NRG1: variants seen among roughly 807,000 people sequenced by gnomAD.
NRG1 encodes the protein pro-neuregulin-1, membrane-bound isoform.
Under a neutral mutation model 63.8 loss-of-function variants are expected in NRG1, and 18 were observed. The observed-to-expected ratio is 0.28, with a 90% CI of 0.19 to 0.42. The LOEUF is 0.42. NRG1 is among the 10% of genes least tolerant of loss of function. The pLI, the probability that NRG1 is intolerant of heterozygous loss-of-function variation, is 1.00. For synonymous variants in NRG1, 302 were observed against 301.3 expected (o/e 1.00, Z -0.02); for missense variants, 762 against 814.7 (o/e 0.94, Z 0.79).
chr8:32,646,831 A>T, intron 5 of NRG1: 1 of 984,688 alleles, frequency 1.0e-6, no homozygotes, highest in Non-Finnish European at 1.2e-6. Context: ...GTGGCTGGGG[A>T]TACTGATTTT....
intron 1 of NRG1, among the ~76,000 whole-genome samples, chr8:32,303,761 C>T (rs1855895994): frequency 6.6e-6 from 1 of 152,100 alleles, no homozygotes; most frequent in Admixed American, 6.6e-5. Context: ...AATATTTAGC[C>T]TACATTTCTA....
intron 1 of NRG1, chr8:31,639,514 C>T (rs1180869466): frequency 2.0e-6 from 3 of 1,510,506 alleles, no homozygotes; most frequent in East Asian, 2.5e-5. Flanking sequence ...GCCTCCAGGG[C>T]TCTCTCCCTC....
chr8:31,706,463 A>T (rs1054682248), intron 1 of NRG1, among the ~76,000 whole-genome samples: 2 of 152,170 alleles, frequency 1.3e-5, no homozygotes, highest in Non-Finnish European at 2.9e-5. Context: ...CAATTACCTG[A>T]TTCATGTATA....
chr8:32,193,674 G>C (rs1326334586), intron 1 of NRG1, among the ~76,000 whole-genome samples: 33 of 152,020 alleles, frequency 2.2e-4, no homozygotes, highest in Non-Finnish European at 1.5e-5. Flanking sequence ...AAAAAGATAC[G>C]TTAGAATCCC....
At chr8:32,514,494 T>C (rs191011926) in intron 1 of NRG1, among the ~76,000 whole-genome samples, 21 of 152,306 alleles carry the variant, frequency 1.4e-4, no homozygotes, top group African/African-American at 4.6e-4. Context: ...ATTATGGTTG[T>C]ATGGAAAATT....
At chr8:32,491,435 A>C (rs1390919633) in intron 1 of NRG1, among the ~76,000 whole-genome samples, 1 of 152,200 alleles carries the variant, frequency 6.6e-6, no homozygotes, top group African/African-American at 2.4e-5. Flanking sequence ...TTCACTGCTT[A>C]CATATTTTAA....
chr8:31,851,785 A>T (rs1827256710), intron 1 of NRG1, among the ~76,000 whole-genome samples: 1 of 123,460 alleles, frequency 8.1e-6, no homozygotes, highest in Admixed American at 1.0e-4. Flanking sequence ...CAGTCCCCAG[A>T]GTGTGATGTT....
chr8:32,246,109 G>C, intron 1 of NRG1, among the ~76,000 whole-genome samples: 1 of 152,110 alleles, frequency 6.6e-6, no homozygotes, highest in East Asian at 1.9e-4. Context: ...AATATAATGA[G>C]AATACTCAGT....
At chr8:32,648,233 G>A in intron 5 of NRG1, 3 of 1,614,010 alleles carry the variant, frequency 1.9e-6, no homozygotes, top group East Asian at 2.2e-5. Flanking sequence ...CAGCGGCACC[G>A]ACACCGAAGA....
At chr8:32,655,354 CTT>C (rs1801233925) in intron 5 of NRG1, among the ~76,000 whole-genome samples, 1 of 152,112 alleles carries the variant, frequency 6.6e-6, no homozygotes, top group Non-Finnish European at 1.5e-5. Context: ...TGCTGTGTGA[CTT>C]TGAGGAAATC....
intron 1 of NRG1, among the ~76,000 whole-genome samples, chr8:32,325,229 G>A (rs190107649): frequency 6.6e-6 from 1 of 152,212 alleles, no homozygotes; most frequent in Admixed American, 6.5e-5. Flanking sequence ...TTATTGCAAT[G>A]TTTTACTAGG....
At chr8:32,156,441 A>G (rs1646253011) in intron 1 of NRG1, among the ~76,000 whole-genome samples, 1 of 152,230 alleles carries the variant, frequency 6.6e-6, no homozygotes, top group African/African-American at 2.4e-5. Flanking sequence ...CTTCTCCTTC[A>G]CCAGAGTGTA....
intron 1 of NRG1, among the ~76,000 whole-genome samples, chr8:32,128,067 A>T (rs1470770134): frequency 6.6e-6 from 1 of 151,928 alleles, no homozygotes; most frequent in East Asian, 1.9e-4. Flanking sequence ...ATTATTCTCC[A>T]ATCCCTGCTC....
At chr8:32,270,001 A>G (rs1053381732) in intron 1 of NRG1, among the ~76,000 whole-genome samples, 1 of 152,172 alleles carries the variant, frequency 6.6e-6, no homozygotes, top group Admixed American at 6.6e-5. Context: ...GAAATATAAC[A>G]TCTGCTTTTT....
intron 1 of NRG1, among the ~76,000 whole-genome samples, chr8:32,318,125 G>A (rs754720107): frequency 2.0e-5 from 3 of 152,162 alleles, no homozygotes; most frequent in South Asian, 4.1e-4. Flanking sequence ...TTGGCAGAAG[G>A]CAAGGGTATG....
At chr8:32,308,340 C>T (rs1003946286) in intron 1 of NRG1, among the ~76,000 whole-genome samples, 1 of 152,150 alleles carries the variant, frequency 6.6e-6, no homozygotes, top group African/African-American at 2.4e-5. Context: ...TGTTTGCTCT[C>T]TTTCATATAT....
At chr8:32,538,349 G>T (rs1481686795) in intron 1 of NRG1, among the ~76,000 whole-genome samples, 1 of 152,168 alleles carries the variant, frequency 6.6e-6, no homozygotes, top group Non-Finnish European at 1.5e-5. Context: ...GGCTATAGAT[G>T]ATAAAAATTT....
chr8:32,059,969 G>C (rs1039295675), intron 1 of NRG1, among the ~76,000 whole-genome samples: 1 of 151,844 alleles, frequency 6.6e-6, no homozygotes. Flanking sequence ...TCCCTTTACT[G>C]TGTTTACTCC....
intron 1 of NRG1, among the ~76,000 whole-genome samples, chr8:32,020,624 C>T (rs1416106392): frequency 6.6e-6 from 1 of 152,128 alleles, no homozygotes; most frequent in East Asian, 1.9e-4. Flanking sequence ...TTTAGTAAAA[C>T]AACAATGTAC....
Sources: gnomAD v4.1 joint callset for allele counts (sites outside exome capture counted in the v4.1 genomes callset) on GRCh38, gnomAD v4.1.1 for gene constraint, MANE v1.5 for transcripts, NCBI Gene and HGNC (gene_info 2026-07-23, HGNC 2026-07-21) for gene names.